The following ADGB variants were observed in gnomAD, a reference collection of about 807,000 sequenced individuals.
ADGB encodes androglobin, also known as calpain-7-like protein.
In ADGB, 172 loss-of-function variants were observed where a neutral mutation model predicts 210.5. That is an observed-to-expected ratio of 0.82 (90% CI 0.72 to 0.93). The LOEUF is 0.93. Among genes scored for constraint, ADGB ranks in the 40% least tolerant of loss-of-function variants. ADGB has a pLI of 0.00. For synonymous variants in ADGB, 658 were observed against 662.7 expected (o/e 0.99, Z 0.11); for missense variants, 2,025 against 1,964.8 (o/e 1.03, Z -0.58).
intron 2 of ADGB, among the ~76,000 whole-genome samples, chr6:146,641,083 T>C (rs749186386): frequency 6.6e-6 from 1 of 151,882 alleles, no homozygotes; most frequent in Non-Finnish European, 1.5e-5. Context: ...ACAAATTCAA[T>C]GTATAAAAAC....
intron 27 of ADGB, among the ~76,000 whole-genome samples, chr6:146,760,582 T>G (rs1434261939): frequency 6.6e-6 from 1 of 151,910 alleles, no homozygotes; most frequent in East Asian, 1.9e-4. Flanking sequence ...GTACAAATCC[T>G]TTTTTGGACT....
chr6:146,729,837 A>G (rs1228544196), intron 20 of ADGB, among the ~76,000 whole-genome samples: 1 of 152,156 alleles, frequency 6.6e-6, no homozygotes, highest in African/African-American at 2.4e-5. Flanking sequence ...TTGGCATATC[A>G]TTTTACATAG....
At chr6:146,652,454 T>C (rs1461357824) in intron 3 of ADGB, among the ~76,000 whole-genome samples, 1 of 152,172 alleles carries the variant, frequency 6.6e-6, no homozygotes, top group African/African-American at 2.4e-5. Context: ...GCTGCTTGTA[T>C]AGATGAGTGA....
chr6:146,748,716 C>G (rs552147223), intron 26 of ADGB, among the ~76,000 whole-genome samples: 2 of 152,224 alleles, frequency 1.3e-5, no homozygotes, highest in East Asian at 3.9e-4. Context: ...GCTGATACTA[C>G]GGGCACATGC....
At chr6:146,599,479 C>T (rs1004419459) in intron 1 of ADGB, among the ~76,000 whole-genome samples, 1 of 152,106 alleles carries the variant, frequency 6.6e-6, no homozygotes, top group Non-Finnish European at 1.5e-5. Flanking sequence ...TTCATGGCCC[C>T]GGAAATGATA....
chr6:146,713,548 G>A (rs1019982454), intron 13 of ADGB, among the ~76,000 whole-genome samples: 1 of 152,106 alleles, frequency 6.6e-6, no homozygotes, highest in Non-Finnish European at 1.5e-5. Context: ...CCTTAGAAGG[G>A]TCTATTCAAA....
At chr6:146,758,258 TTTTC>T (rs773673477) in intron 27 of ADGB, among the ~76,000 whole-genome samples, 1 of 152,128 alleles carries the variant, frequency 6.6e-6, no homozygotes, top group Non-Finnish European at 1.5e-5. Flanking sequence ...AAAATGGCTG[TTTTC>T]TTTATTTTGA....
rs1325235668 is a variant in ADGB at position 146,692,891 on chromosome 6, C to T, written c.1553C>T (p.Thr518Ile). ...AGTCCATTTTTGAATTATAGAATGA[C>T]TCCATTTACAATTCCAACAGAAATG... ...ISSPFLNYRM[T>I]PFTIPTEMHF... The change falls in exon 12 of 36, where the codon ACT becomes ATT. Residue 518 changes from threonine (T) to isoleucine (I), a missense_variant. Physicochemically the swap from Thr to Ile is moderately conservative, Grantham distance 89. Transcript: ENST00000397944. 2 of 1,531,396 alleles carry T rather than the reference C, an allele frequency of 1.3e-6. No individual in the cohort carries two copies. Among genetic ancestry groups the T allele is most frequent in the African/African-American group, 1.4e-5 (1 of 72,416 alleles). 94.9% of individuals were successfully genotyped at this position (1,531,396 alleles called of 1,614,324 possible).
intron 3 of ADGB, 31 bp downstream of exon 3, chr6:146,644,896 C>CATCCACATAGTAAGTATT: frequency 1.5e-6 from 2 of 1,294,280 alleles, no homozygotes; most frequent in Non-Finnish European, 2.1e-6. Context: ...AAATAAAATA[C>CATCCACATAGTAAGTATT]TTACTATGTG....
chr6:146,733,868 C>T, intron 21 of ADGB, 25 bp from the exon 22 acceptor site: 1 of 1,550,974 alleles, frequency 6.4e-7, no homozygotes, highest in Non-Finnish European at 8.7e-7. Context: ...AACTTTCAGT[C>T]CAAAGTTTGT....
intron 20 of ADGB, 41 bp from the exon 21 acceptor site, chr6:146,733,079 G>A (rs1346816489): frequency 4.3e-6 from 6 of 1,388,848 alleles, no homozygotes; most frequent in Non-Finnish European, 5.7e-6. Context: ...CTGGCCAGAT[G>A]ATGGTATTTT....
chr6:146,777,366 A>G (rs927136262), intron 29 of ADGB, among the ~76,000 whole-genome samples: 3 of 152,038 alleles, frequency 2.0e-5, no homozygotes, highest in Admixed American at 2.0e-4. Context: ...TAATAAATAA[A>G]TTATTTAAAT....
intron 33 of ADGB, among the ~76,000 whole-genome samples, chr6:146,793,998 A>G (rs1777994981): frequency 6.6e-6 from 1 of 152,198 alleles, no homozygotes; most frequent in African/African-American, 2.4e-5. Flanking sequence ...TGGTAGTAGG[A>G]TAATGAAGTA....
At chr6:146,670,518 C>T (rs1006443310) in intron 7 of ADGB, among the ~76,000 whole-genome samples, 24 of 152,278 alleles carry the variant, frequency 1.6e-4, no homozygotes, top group African/African-American at 5.1e-4. Context: ...TGTCACAACG[C>T]CTGGGTTTCA....
At chr6:146,620,424 C>T (rs1433012312) in intron 1 of ADGB, among the ~76,000 whole-genome samples, 1 of 152,034 alleles carries the variant, frequency 6.6e-6, no homozygotes, top group South Asian at 2.1e-4. Flanking sequence ...TATTAATTCA[C>T]TTGATTCTCT....
At chr6:146,713,160 G>T (rs904402302) in intron 13 of ADGB, among the ~76,000 whole-genome samples, 1 of 152,098 alleles carries the variant, frequency 6.6e-6, no homozygotes, top group Non-Finnish European at 1.5e-5. Flanking sequence ...CCAATCATTT[G>T]TCAATAGATA....
At chr6:146,694,617 C>T (rs1776379660) in intron 12 of ADGB, among the ~76,000 whole-genome samples, 1 of 152,132 alleles carries the variant, frequency 6.6e-6, no homozygotes, top group Non-Finnish European at 1.5e-5. Context: ...TCATCCAGTT[C>T]TTCCCCTAAA....
chr6:146,699,911 G>T (rs1482788196), intron 12 of ADGB, among the ~76,000 whole-genome samples: 2 of 152,078 alleles, frequency 1.3e-5, no homozygotes, highest in African/African-American at 4.8e-5. Context: ...TCTTCTTTCA[G>T]CTGTATTACT....
At chr6:146,809,084 G>A (rs1266415608) in intron 35 of ADGB, among the ~76,000 whole-genome samples, 1 of 151,968 alleles carries the variant, frequency 6.6e-6, no homozygotes, top group African/African-American at 2.4e-5. Flanking sequence ...TAGCATTTAT[G>A]TGGAACATGT....
Sources: gnomAD v4.1 joint callset for allele counts (sites outside exome capture counted in the v4.1 genomes callset) on GRCh38, gnomAD v4.1.1 for gene constraint, MANE v1.5 for transcripts, NCBI Gene and HGNC (gene_info 2026-07-23, HGNC 2026-07-21) for gene names.